ITIH4: variants seen among roughly 807,000 people sequenced by gnomAD.
ITIH4 encodes the protein inter-alpha-trypsin inhibitor heavy chain 4.
Under a neutral mutation model 111.8 loss-of-function variants are expected in ITIH4, and 79 were observed. The ratio of observed to expected loss-of-function variants is 0.71; its 90% CI spans 0.59 to 0.85. The LOEUF (loss-of-function observed/expected upper bound fraction) is 0.85. ITIH4 is among the 40% of genes least tolerant of loss of function. The probability of loss-of-function intolerance (pLI) is 0.00; values close to 1 mark genes in which losing one functional copy is unlikely to be tolerated. For missense variants in ITIH4, 1,065 were observed against 1,195.8 expected, an observed-to-expected ratio of 0.89 and a Z score of 1.61; for synonymous variants, 472 against 468.3, an observed-to-expected ratio of 1.01 and a Z score of -0.10.
chr3:52,830,177 A>G, intron 1 of ITIH4: 1 of 366,182 alleles, frequency 2.7e-6, no homozygotes, highest in South Asian at 2.1e-5. Context: ...TATAGATACA[A>G]TGGGTTTGGT....
In ITIH4 at chr3:52,813,319, G is replaced by A; in HGVS notation, c.*102C>T. 1 of 1,021,100 alleles carries A rather than the reference G, an allele frequency of 9.8e-7. No homozygotes were observed. Among genetic ancestry groups the A allele is most frequent in the Non-Finnish European group, 1.5e-6 (1 of 645,630 alleles). The allele number at this position is 1,021,100 out of a possible 1,614,324, so 63.3% of individuals were successfully genotyped here. A position where few individuals can be genotyped will look rare whatever the true frequency, so the allele number is the denominator to read the frequency against. Reference sequence around the variant, plus strand: ...CACCACCTTTCTTTATTTGTAATGAGTGGGACTCTTCCTCCCCATGGTGGT... The same window carrying A: ...CACCACCTTTCTTTATTTGTAATGAATGGGACTCTTCCTCCCCATGGTGGT... On this transcript the variant is annotated 3_prime_UTR_variant, in exon 24 of 24. Transcript: ENST00000266041.
Position 52,820,615 on chromosome 3 carries a change from T to G in ITIH4, c.1834+16A>C. ...CTCTGCTACCTGGGAGGCTGAGATC[T>G]CAACCCCACACCCACCGCCTTCCAT... On this transcript the variant is annotated intron_variant, in intron 13 of 23. Transcript: ENST00000266041. 6 of 1,593,520 alleles carry G rather than the reference T, an allele frequency of 3.8e-6. No individual in the cohort carries two copies. Among genetic ancestry groups the G allele is most frequent in the Non-Finnish European group, 5.1e-6 (6 of 1,168,350 alleles).
At chr3:52,827,311 C>A in intron 2 of ITIH4, 114 bp from the exon 3 acceptor site, 1 of 830,134 alleles carries the variant, frequency 1.2e-6, no homozygotes, top group African/African-American at 1.7e-5. Context: ...CAGTGACTCC[C>A]ATCTTTGCCT....
chr3:52,815,904 T>G (rs1700272527), intron 21 of ITIH4, among the ~76,000 whole-genome samples: 1 of 152,078 alleles, frequency 6.6e-6, no homozygotes, highest in South Asian at 2.1e-4. Context: ...CAGGCTAGTC[T>G]CAAACTCCTG....
At chr3:52,827,958 AG>A (rs1216128753) in intron 2 of ITIH4, among the ~76,000 whole-genome samples, 3 of 152,058 alleles carry the variant, frequency 2.0e-5, no homozygotes, top group Non-Finnish European at 4.4e-5. Flanking sequence ...AGTGGGCAGG[AG>A]GGGGAGCAGC....
At position 52,823,915 on chromosome 3, in the gene ITIH4, C is replaced by G. The variant is rs145444736; in HGVS notation, c.1261G>C (p.Val421Leu). The G allele has an allele frequency of 6.2e-7, 1 of 1,610,900 alleles. No homozygotes were observed. The highest frequency in any genetic ancestry group is 1.1e-5 in the South Asian group (1 of 90,534). The change falls in exon 10 of 24, where the codon GTC (valine) becomes CTC (leucine). Residue 421 changes from valine (V) to leucine (L), a missense_variant. Transcript: ENST00000266041. ...SLFCLGFGFD[V>L]SYAFLEKLAL... ...AGCTTCTCCAGGAAGGCATAGCTGA[C>G]GTCGAAACCGAAGCCCAGGCAGAAG...
At chr3:52,815,087 T>A (rs143304959) in intron 21 of ITIH4, among the ~76,000 whole-genome samples, 1 of 152,194 alleles carries the variant, frequency 6.6e-6, no homozygotes, top group Non-Finnish European at 1.5e-5. Flanking sequence ...ACCCTTGAAA[T>A]TCTTGCCTTT....
chr3:52,814,693 T>C (rs1700249671), intron 21 of ITIH4, among the ~76,000 whole-genome samples: 1 of 152,064 alleles, frequency 6.6e-6, no homozygotes, highest in African/African-American at 2.4e-5. Context: ...CTCAAGTGAT[T>C]CTCCCACCTC....
At position 52,820,431 on chromosome 3, in the gene ITIH4, G is replaced by A. The variant is rs1483751636; in HGVS notation, c.1835-114C>T. 18 of 1,259,598 alleles carry A rather than the reference G, an allele frequency of 1.4e-5. 1 individual carries two copies. The East Asian group carries it at 4.2e-4, about 29-fold the overall frequency. The allele number at this position is 1,259,598 out of a possible 1,614,324, so 78.0% of individuals were successfully genotyped here. On this transcript the variant is annotated intron_variant, in intron 13 of 23. Coordinates refer to ENST00000266041, the MANE Select transcript of ITIH4 (RefSeq NM_002218.5). ...GTGTTTAATCTTGCTACCCAATCCT[G>A]GACTATATCGTAGGTGCAATGAATT...
chr3:52,817,084 A>G (rs1178056913), intron 20 of ITIH4, 26 bp from the exon 21 acceptor site: 2 of 1,600,432 alleles, frequency 1.2e-6, no homozygotes, highest in African/African-American at 2.7e-5. Context: ...CAGAGAGGTC[A>G]TAGCTGGGCC....
intron 6 of ITIH4, 150 bp downstream of exon 6, chr3:52,825,736 A>C (rs930572935): frequency 1.2e-6 from 1 of 841,042 alleles, no homozygotes; most frequent in African/African-American, 1.7e-5. Flanking sequence ...GGGACAACAC[A>C]ACTAAATCAC....
chr3:52,819,371 G>A (rs372252577), intron 17 of ITIH4, 22 bp downstream of exon 17: 95 of 1,613,510 alleles, frequency 5.9e-5, no homozygotes, highest in South Asian at 1.6e-4. Context: ...CGAGGCCCTC[G>A]CAGGGCCGGA....
At chr3:52,817,884 G>A (rs1159992587) in intron 20 of ITIH4, among the ~76,000 whole-genome samples, 168 bp downstream of exon 20, 3 of 152,268 alleles carry the variant, frequency 2.0e-5, no homozygotes, top group African/African-American at 4.8e-5. Flanking sequence ...AAGGTCCCCG[G>A]GGTGTCTGTG....
At chr3:52,816,536 A>G (rs909378697) in intron 21 of ITIH4, among the ~76,000 whole-genome samples, 1 of 152,170 alleles carries the variant, frequency 6.6e-6, no homozygotes, top group Non-Finnish European at 1.5e-5. Flanking sequence ...TTCTCCCCCC[A>G]GCCTTCTGAC....
At chr3:52,815,442 A>T (rs1700265562) in intron 21 of ITIH4, among the ~76,000 whole-genome samples, 1 of 151,866 alleles carries the variant, frequency 6.6e-6, no homozygotes, top group Non-Finnish European at 1.5e-5. Context: ...GGGTTTCACC[A>T]TGTTGGCCAG....
Position 52,814,351 on chromosome 3 carries a change from G to A in ITIH4, c.2484C>T (p.Thr828=), listed in dbSNP as rs1255917428. 1 of 1,613,846 alleles carries A rather than the reference G, an allele frequency of 6.2e-7. No individual in the cohort carries two copies. The highest frequency in any genetic ancestry group is 8.5e-7 in the Non-Finnish European group (1 of 1,179,950). ...GCAGCAGGAGACCCGTCTTGTCCAT[G>A]GTCATCTTCAGGCTGTGGAAAGACC... ...LFSVMPGLKM[T]MDKTGLLLLS... The change falls in exon 22 of 24, where the codon ACC becomes ACT. Residue 828 remains threonine (T), a synonymous_variant. Coordinates refer to ENST00000266041, the MANE Select transcript of ITIH4 (RefSeq NM_002218.5).
At chr3:52,816,697 T>C (rs2535623) in intron 21 of ITIH4, among the ~76,000 whole-genome samples, 187 bp downstream of exon 21, 16,585 of 152,238 alleles carry the variant, frequency 0.11, 2,785 homozygotes, top group African/African-American at 0.35. Context: ...GTTAGGTCCC[T>C]GGGACAACTC....
Position 52,813,296 on chromosome 3 carries a change from C to T in ITIH4, c.*125G>A, listed in dbSNP as rs1700222378. The T allele has an allele frequency of 1.1e-6, 1 of 883,622 alleles. No homozygotes were observed. Among genetic ancestry groups the T allele is most frequent in the Non-Finnish European group, 1.9e-6 (1 of 536,584 alleles). 54.7% of individuals were successfully genotyped at this position (883,622 alleles called of 1,614,324 possible). On this transcript the variant is annotated 3_prime_UTR_variant, in exon 24 of 24. Transcript: ENST00000266041. ...GAGACACCCACTTCCCAGGCTCACACCACCTTTCTTTATTTGTAATGAGTG... is the reference window on the plus strand; with the variant it reads ...GAGACACCCACTTCCCAGGCTCACATCACCTTTCTTTATTTGTAATGAGTG...
chr3:52,826,875 G>C lies in ITIH4; in HGVS notation c.435C>G (p.Val145=). ...APNAKITFEL[V]YEELLKRRLG... is the part of the protein sequence containing the mutation. ...AACGCCGCTTGAGCAGCTCCTCATA[G>C]ACCAGCTCAAAGGTGATCTTGGCAT... is the stretch of plus-strand genomic sequence containing the variant. The change falls in exon 4 of 24, where the codon GTC becomes GTG. Residue 145 remains valine (V), a synonymous_variant. Transcript: ENST00000266041. 6.2e-7 allele frequency: 1 copy of C among 1,614,074 alleles called. No individual in the cohort carries two copies. Among genetic ancestry groups the C allele is most frequent in the Non-Finnish European group, 8.5e-7 (1 of 1,180,042 alleles).
Sources: allele counts gnomAD v4.1 joint callset (sites outside exome capture counted in the v4.1 genomes callset), GRCh38; gene constraint gnomAD v4.1.1; transcripts MANE v1.5; gene names NCBI Gene and HGNC (gene_info 2026-07-23, HGNC 2026-07-21).